Variants in PTPRD observed in about 807,000 individuals in gnomAD.
The protein encoded by PTPRD is protein tyrosine phosphatase receptor type D, also known as receptor-type tyrosine-protein phosphatase delta.
PTPRD carries 34 observed loss-of-function variants against 214.5 expected under a neutral mutation model. The observed-to-expected ratio is 0.16, with a 90% CI of 0.12 to 0.21. The LOEUF (loss-of-function observed/expected upper bound fraction) is 0.21, where lower values mean the gene tolerates loss of function less well. Among genes scored for constraint, PTPRD ranks in the 10% least tolerant of loss-of-function variants. PTPRD has a pLI of 1.00. For missense variants in PTPRD, 2,545 were observed against 2,398.7 expected (o/e 1.06, Z -1.27); for synonymous variants, 1,128 against 845.7 (o/e 1.33, Z -5.79).
chr9:10,284,063 G>A (rs73644404), intron 3 of PTPRD, among the ~76,000 whole-genome samples: 1,848 of 152,050 alleles, frequency 0.012, 43 homozygotes, highest in African/African-American at 0.042. Flanking sequence ...CTCTCTGCTC[G>A]GCTTATCTCT....
At chr9:10,438,083 T>A (rs2098734168) in intron 2 of PTPRD, among the ~76,000 whole-genome samples, 1 of 148,304 alleles carries the variant, frequency 6.7e-6, no homozygotes, top group Admixed American at 6.8e-5. Flanking sequence ...TCAGAAAAAT[T>A]TGATTTACTC....
chr9:10,234,639 T>G (rs1438972104), intron 3 of PTPRD, among the ~76,000 whole-genome samples: 1 of 151,924 alleles, frequency 6.6e-6, no homozygotes. Context: ...ATTGCTAAAT[T>G]TCAAAGCTAT....
At chr9:8,515,758 C>G (rs1387495725) in intron 21 of PTPRD, among the ~76,000 whole-genome samples, 1 of 152,122 alleles carries the variant, frequency 6.6e-6, no homozygotes, top group Non-Finnish European at 1.5e-5. Context: ...CAAAAGGAAC[C>G]AATCCTGCCA....
intron 39 of PTPRD, among the ~76,000 whole-genome samples, chr9:8,362,494 C>G (rs2078755132): frequency 6.6e-6 from 1 of 152,098 alleles, no homozygotes; most frequent in African/African-American, 2.4e-5. Flanking sequence ...TTTTTCAAAT[C>G]TAAGTAGCAA....
chr9:8,478,529 T>A (rs530346460), intron 30 of PTPRD, among the ~76,000 whole-genome samples: 2 of 152,332 alleles, frequency 1.3e-5, no homozygotes, highest in Admixed American at 6.5e-5. Flanking sequence ...ATCTGTGTTG[T>A]GCATTTTTTA....
intron 4 of PTPRD, among the ~76,000 whole-genome samples, chr9:9,993,439 G>C (rs1357993371): frequency 6.6e-6 from 1 of 152,166 alleles, no homozygotes; most frequent in African/African-American, 2.4e-5. Flanking sequence ...AAGTAGTGGT[G>C]AGATGATCTT....
At chr9:8,583,227 T>A (rs1442635973) in intron 14 of PTPRD, among the ~76,000 whole-genome samples, 3 of 152,326 alleles carry the variant, frequency 2.0e-5, no homozygotes, top group African/African-American at 4.8e-5. Context: ...CAGGCCATAA[T>A]GATCTCTTGT....
intron 5 of PTPRD, among the ~76,000 whole-genome samples, chr9:9,938,010 G>A (rs2090173677): frequency 6.6e-6 from 1 of 152,140 alleles, no homozygotes; most frequent in Non-Finnish European, 1.5e-5. Context: ...GGTAATCGAG[G>A]AGTCTTTTGA....
At chr9:9,888,005 G>A (rs2065183486) in intron 5 of PTPRD, among the ~76,000 whole-genome samples, 3 of 152,100 alleles carry the variant, frequency 2.0e-5, no homozygotes, top group Admixed American at 2.0e-4. Flanking sequence ...ACCTGACGAA[G>A]GGCAAGACAA....
chr9:10,502,376 T>G (rs1167814808), intron 2 of PTPRD, among the ~76,000 whole-genome samples: 2 of 151,800 alleles, frequency 1.3e-5, no homozygotes, highest in African/African-American at 4.8e-5. Flanking sequence ...AAGGAGAGAC[T>G]TTACAGAGAA....
chr9:8,405,678 C>G (rs1211293787), intron 35 of PTPRD, among the ~76,000 whole-genome samples: 1 of 152,062 alleles, frequency 6.6e-6, no homozygotes, highest in Non-Finnish European at 1.5e-5. Context: ...ATTAATGACA[C>G]AAACATGATT....
intron 3 of PTPRD, among the ~76,000 whole-genome samples, chr9:10,083,207 CCTAT>C (rs2098272162): frequency 6.6e-6 from 1 of 151,896 alleles, no homozygotes; most frequent in Non-Finnish European, 1.5e-5. Flanking sequence ...TATGATAGAG[CCTAT>C]CTAACTCACT....
chr9:8,492,399 T>G (rs2097168753), intron 27 of PTPRD, among the ~76,000 whole-genome samples: 1 of 152,174 alleles, frequency 6.6e-6, no homozygotes, highest in Non-Finnish European at 1.5e-5. Context: ...TACCAGAACT[T>G]CTCAGCCCCT....
intron 36 of PTPRD, 141 bp from the exon 37 acceptor site, chr9:8,389,548 C>G (rs954574836): frequency 1.7e-6 from 1 of 573,616 alleles, no homozygotes; most frequent in South Asian, 3.8e-5. Context: ...GGGTTTCAAG[C>G]AAGATTAAAA....
rs761093657 is a variant in PTPRD at position 8,518,466 on chromosome 9, T to C, written c.962-37A>G. The C allele has an allele frequency of 2.9e-6, 4 of 1,395,328 alleles. No individual in the cohort carries two copies. In the African/African-American group the frequency reaches 5.8e-5, roughly 20 times the overall value. The allele number at this position is 1,395,328 out of a possible 1,614,324, so 86.4% of individuals were successfully genotyped here. A position where few individuals can be genotyped will look rare whatever the true frequency, so the allele number is the denominator to read the frequency against. On this transcript the variant is annotated intron_variant, in intron 20 of 45. Transcript: ENST00000381196. ...GAAGATAAAAGACAATGACTACCCATCATCCCTATAATATTTCAAAAATCT... is the reference window on the plus strand; with the variant it reads ...GAAGATAAAAGACAATGACTACCCACCATCCCTATAATATTTCAAAAATCT...
At chr9:9,607,609 T>C (rs996424796) in intron 7 of PTPRD, among the ~76,000 whole-genome samples, 2 of 152,132 alleles carry the variant, frequency 1.3e-5, no homozygotes, top group African/African-American at 4.8e-5. Flanking sequence ...AATGTGAATT[T>C]GAAACGCCTG....
intron 11 of PTPRD, among the ~76,000 whole-genome samples, chr9:8,811,106 G>A (rs368541644): frequency 1.3e-5 from 2 of 152,052 alleles, no homozygotes; most frequent in Non-Finnish European, 2.9e-5. Flanking sequence ...TCTGACTTAC[G>A]GCACAAAAAG....
At chr9:8,572,668 T>C (rs1022270258) in intron 14 of PTPRD, among the ~76,000 whole-genome samples, 5 of 152,044 alleles carry the variant, frequency 3.3e-5, no homozygotes, top group Admixed American at 1.3e-4. Context: ...GTCAACCTCA[T>C]TGGAGGCATT....
intron 7 of PTPRD, among the ~76,000 whole-genome samples, chr9:9,640,257 T>C (rs866382454): frequency 6.6e-6 from 1 of 152,216 alleles, no homozygotes; most frequent in Non-Finnish European, 1.5e-5. Flanking sequence ...ATGTGATTTT[T>C]GCTTGGAATG....
Sources: allele counts gnomAD v4.1 joint callset (sites outside exome capture counted in the v4.1 genomes callset), GRCh38; gene constraint gnomAD v4.1.1; transcripts MANE v1.5; gene names NCBI Gene and HGNC (gene_info 2026-07-23, HGNC 2026-07-21).